The following HSD17B12 variants were observed in gnomAD, a reference collection of about 807,000 sequenced individuals.
HSD17B12 encodes hydroxysteroid 17-beta dehydrogenase 12.
HSD17B12 carries 32 observed loss-of-function variants against 39.3 expected under a neutral mutation model. The ratio of observed to expected loss-of-function variants is 0.81; its 90% CI spans 0.61 to 1.09. HSD17B12 has a LOEUF of 1.09. Among genes scored for constraint, HSD17B12 ranks in the 50% least tolerant of loss-of-function variants. The probability of loss-of-function intolerance (pLI) is 0.00; values close to 1 mark genes in which losing one functional copy is unlikely to be tolerated. For synonymous variants in HSD17B12, 150 were observed against 146.7 expected (o/e 1.02, Z -0.16); for missense variants, 342 against 382.9 (o/e 0.89, Z 0.89).
intron 3 of HSD17B12, among the ~76,000 whole-genome samples, chr11:43,759,982 G>A (rs951575089): frequency 3.3e-5 from 5 of 151,618 alleles, no homozygotes; most frequent in Non-Finnish European, 7.4e-5. Flanking sequence ...TGCAACCTAC[G>A]TCTCCCAGGT....
chr11:43,709,149 A>G (rs552539906), intron 1 of HSD17B12, among the ~76,000 whole-genome samples: 1 of 152,206 alleles, frequency 6.6e-6, no homozygotes, highest in South Asian at 2.1e-4. Context: ...TTTTTGAGAC[A>G]GAGCCTTGCC....
intron 3 of HSD17B12, among the ~76,000 whole-genome samples, chr11:43,773,784 C>T (rs1950671979): frequency 6.6e-6 from 1 of 152,160 alleles, no homozygotes; most frequent in Non-Finnish European, 1.5e-5. Context: ...GTTGTATATA[C>T]CACCTACAAA....
intron 6 of HSD17B12, among the ~76,000 whole-genome samples, chr11:43,825,640 T>C (rs1467214585): frequency 6.6e-6 from 1 of 152,214 alleles, no homozygotes; most frequent in African/African-American, 2.4e-5. Context: ...CATTCCAAGT[T>C]AATAGCTAGT....
At chr11:43,661,393 T>G in the HSD17B12 span, among the ~76,000 whole-genome samples, 1 of 152,210 alleles carries the variant, frequency 6.6e-6, no homozygotes, top group South Asian at 2.1e-4. Flanking sequence ...TGACTACACA[T>G]AAAATTTGTA....
chr11:43,785,482 G>A (rs971174521), intron 3 of HSD17B12, among the ~76,000 whole-genome samples: 1 of 152,150 alleles, frequency 6.6e-6, no homozygotes, highest in Admixed American at 6.6e-5. Context: ...CTTCCAGGAT[G>A]TGACTAGAGC....
the HSD17B12 span, among the ~76,000 whole-genome samples, chr11:43,566,234 C>T: frequency 6.6e-6 from 1 of 152,244 alleles, no homozygotes; most frequent in African/African-American, 2.4e-5. Context: ...ATATGGGGCT[C>T]ATTAAATATT....
chr11:43,753,952 A>G, intron 2 of HSD17B12, 94 bp from the exon 3 acceptor site: 1 of 711,476 alleles, frequency 1.4e-6, no homozygotes, highest in Non-Finnish European at 2.4e-6. Flanking sequence ...TTGAACTATC[A>G]TCTGGACAGG....
chr11:43,604,561 A>AG, the HSD17B12 span, among the ~76,000 whole-genome samples: 3 of 147,314 alleles, frequency 2.0e-5, no homozygotes, highest in African/African-American at 8.1e-5. Flanking sequence ...TAATGATGTC[A>AG]AAAACTGAAA....
the HSD17B12 span, among the ~76,000 whole-genome samples, chr11:43,612,231 T>A: frequency 6.6e-6 from 1 of 152,226 alleles, no homozygotes; most frequent in Admixed American, 6.5e-5. Flanking sequence ...TTTATAAAAC[T>A]AATAGTTATT....
intron 1 of HSD17B12, among the ~76,000 whole-genome samples, chr11:43,728,385 T>C (rs186573818): frequency 5.5e-4 from 83 of 152,180 alleles, no homozygotes; most frequent in Non-Finnish European, 9.6e-4. Context: ...TTAACTAATA[T>C]ACAGAATATA....
chr11:43,752,918 T>C (rs1192376838), intron 2 of HSD17B12, among the ~76,000 whole-genome samples: 1 of 152,164 alleles, frequency 6.6e-6, no homozygotes, highest in African/African-American at 2.4e-5. Context: ...TTATAAAAAA[T>C]GTTCTTCCAT....
At chr11:43,835,028 T>A (rs1951355554) in intron 7 of HSD17B12, among the ~76,000 whole-genome samples, 1 of 152,178 alleles carries the variant, frequency 6.6e-6, no homozygotes, top group Non-Finnish European at 1.5e-5. Context: ...TTTATTTGGA[T>A]ATTTGTCATA....
At chr11:43,564,989 T>C in the HSD17B12 span, among the ~76,000 whole-genome samples, 2 of 151,186 alleles carry the variant, frequency 1.3e-5, no homozygotes, top group Non-Finnish European at 2.9e-5. Context: ...AACCTCCGTC[T>C]CCTGGGTTCA....
intron 1 of HSD17B12, among the ~76,000 whole-genome samples, chr11:43,746,114 AG>A (rs1950410437): frequency 6.6e-6 from 1 of 152,166 alleles, no homozygotes; most frequent in Middle Eastern, 3.2e-3. Flanking sequence ...TGAGTGAGTG[AG>A]TGGTGAGTGA....
the HSD17B12 span, among the ~76,000 whole-genome samples, chr11:43,640,796 G>C: frequency 6.6e-6 from 1 of 151,828 alleles, no homozygotes; most frequent in African/African-American, 2.4e-5. Context: ...ATTCAAAATG[G>C]GGTTTTTAAT....
intron 4 of HSD17B12, among the ~76,000 whole-genome samples, chr11:43,810,367 TTA>T (rs59970877): frequency 0.017 from 1,042 of 59,566 alleles, 8 homozygotes; most frequent in East Asian, 0.038. Flanking sequence ...AATTTAGAAA[TTA>T]TATATATATA....
intron 3 of HSD17B12, among the ~76,000 whole-genome samples, chr11:43,792,037 A>G (rs1466333075): frequency 2.0e-5 from 3 of 152,170 alleles, no homozygotes; most frequent in African/African-American, 7.2e-5. Context: ...GGCCTTTATA[A>G]ATGGAGTCAG....
chr11:43,778,804 C>G (rs1288458468), intron 3 of HSD17B12, among the ~76,000 whole-genome samples: 1 of 152,132 alleles, frequency 6.6e-6, no homozygotes, highest in Non-Finnish European at 1.5e-5. Context: ...GCTAAAAACT[C>G]TCAATAAACT....
chr11:43,672,555 T>A, the HSD17B12 span, among the ~76,000 whole-genome samples: 1 of 152,174 alleles, frequency 6.6e-6, no homozygotes, highest in Non-Finnish European at 1.5e-5. Context: ...TGTTTTTGTT[T>A]GTTTGTTTTT....
Sources: allele counts gnomAD v4.1 joint callset (sites outside exome capture counted in the v4.1 genomes callset), GRCh38; gene constraint gnomAD v4.1.1; transcripts MANE v1.5; gene names NCBI Gene and HGNC (gene_info 2026-07-23, HGNC 2026-07-21).